CSMD1: variants seen among roughly 807,000 people sequenced by gnomAD.
CSMD1 encodes the protein CUB and Sushi multiple domains 1, also known as CUB and sushi domain-containing protein 1.
In CSMD1, 213 loss-of-function variants were observed where a neutral mutation model predicts 417.5. The observed-to-expected ratio is 0.51, with a 90% CI of 0.46 to 0.57. CSMD1 has a LOEUF of 0.57. CSMD1 is among the 20% of genes least tolerant of loss of function. The pLI is 0.00. For missense variants in CSMD1, 6,923 were observed against 4,529.7 expected (o/e 1.53, Z -15.17); for synonymous variants, 2,862 against 1,736.8 (o/e 1.65, Z -16.11).
intron 3 of CSMD1, among the ~76,000 whole-genome samples, chr8:4,311,667 G>T (rs1044972296): frequency 6.7e-6 from 1 of 150,088 alleles, no homozygotes; most frequent in Non-Finnish European, 1.5e-5. Flanking sequence ...AGGCTGCAGT[G>T]AGCCGAGATT....
intron 3 of CSMD1, among the ~76,000 whole-genome samples, chr8:4,120,123 G>T (rs377113884): frequency 6.6e-6 from 1 of 152,022 alleles, no homozygotes; most frequent in South Asian, 2.1e-4. Context: ...TCCATGATGT[G>T]AATACTACAC....
intron 3 of CSMD1, among the ~76,000 whole-genome samples, chr8:4,125,119 T>C (rs1346615750): frequency 1.5e-4 from 1 of 6,618 alleles, no homozygotes; most frequent in South Asian, 0.045. Context: ...AACACTTCCA[T>C]CGAGAAAAAA....
chr8:3,011,285 A>G (rs1808364362), intron 52 of CSMD1, among the ~76,000 whole-genome samples: 1 of 152,182 alleles, frequency 6.6e-6, no homozygotes, highest in South Asian at 2.1e-4. Context: ...CCTGACTAAC[A>G]TACAGAACAT....
intron 2 of CSMD1, among the ~76,000 whole-genome samples, chr8:4,567,540 C>A (rs1798671603): frequency 6.6e-6 from 1 of 152,052 alleles, no homozygotes; most frequent in South Asian, 2.1e-4. Context: ...GAAAACAGAC[C>A]TTTATTTCTT....
chr8:4,964,785 T>C (rs1809745893), intron 1 of CSMD1, among the ~76,000 whole-genome samples: 1 of 152,104 alleles, frequency 6.6e-6, no homozygotes, highest in Non-Finnish European at 1.5e-5. Context: ...GTGAATGAAA[T>C]TGTTCTTTTT....
At chr8:4,591,559 T>C (rs1009686571) in intron 2 of CSMD1, among the ~76,000 whole-genome samples, 1 of 152,170 alleles carries the variant, frequency 6.6e-6, no homozygotes, top group Non-Finnish European at 1.5e-5. Flanking sequence ...AGGACTGTAG[T>C]GCAGGCTTCT....
intron 1 of CSMD1, among the ~76,000 whole-genome samples, chr8:4,953,153 G>A (rs1419437406): frequency 2.6e-5 from 4 of 152,116 alleles, no homozygotes; most frequent in Non-Finnish European, 4.4e-5. Flanking sequence ...TAATTCTCAA[G>A]GTAGAAGATA....
chr8:3,435,706 C>A (rs1814515513), intron 12 of CSMD1, among the ~76,000 whole-genome samples: 1 of 152,058 alleles, frequency 6.6e-6, no homozygotes, highest in African/African-American at 2.4e-5. Context: ...CCCAGACCTC[C>A]TTCCCATCCC....
intron 25 of CSMD1, among the ~76,000 whole-genome samples, chr8:3,300,823 G>C (rs775166384): frequency 4.0e-5 from 6 of 151,874 alleles, no homozygotes; most frequent in Admixed American, 6.6e-5. Context: ...GCTGGGTGTG[G>C]TGGCACATGC....
chr8:4,347,333 G>C (rs535841437), intron 3 of CSMD1, among the ~76,000 whole-genome samples: 3 of 152,080 alleles, frequency 2.0e-5, no homozygotes. Flanking sequence ...TATAGCATAG[G>C]ACAAAACTAC....
rs374645226 is a variant in CSMD1, at chr8:4,757,657, T to A, written c.86-120099A>T. ...CTTTTATGAATAACACATCATAATT[T>A]TGTGTAAAAAGCGACATTATGCTGG... On this transcript the variant is annotated intron_variant, in intron 1 of 69. Coordinates refer to ENST00000635120, the MANE Select transcript of CSMD1 (RefSeq NM_033225.6). Among the ~76,000 whole-genome samples the A allele has an allele frequency of 3.3e-5, 5 of 152,210 alleles. No individual in the cohort carries two copies. In the East Asian group the frequency reaches 7.7e-4, roughly 24 times the overall value.
chr8:3,860,413 CTA>C (rs959156957), intron 5 of CSMD1, among the ~76,000 whole-genome samples: 28 of 151,872 alleles, frequency 1.8e-4, no homozygotes, highest in Non-Finnish European at 3.4e-4. Flanking sequence ...CTCAATGTTT[CTA>C]TGTTACTAAA....
At chr8:3,900,063 A>C (rs1364682496) in intron 5 of CSMD1, among the ~76,000 whole-genome samples, 1 of 151,940 alleles carries the variant, frequency 6.6e-6, no homozygotes, top group Non-Finnish European at 1.5e-5. Flanking sequence ...TAGCTGGGTA[A>C]CACTAGCTGG....
At chr8:4,840,912 C>G (rs569353092) in intron 1 of CSMD1, among the ~76,000 whole-genome samples, 3 of 152,336 alleles carry the variant, frequency 2.0e-5, no homozygotes, top group Admixed American at 6.5e-5. Flanking sequence ...AACACCACTA[C>G]TGTAAAGTGA....
chr8:3,818,782 A>C (rs1801544437), intron 5 of CSMD1, among the ~76,000 whole-genome samples: 1 of 152,046 alleles, frequency 6.6e-6, no homozygotes, highest in African/African-American at 2.4e-5. Context: ...ATAACCCCAA[A>C]ACACCCGACC....
At chr8:4,808,840 A>G (rs1416011020) in intron 1 of CSMD1, among the ~76,000 whole-genome samples, 1 of 152,224 alleles carries the variant, frequency 6.6e-6, no homozygotes, top group Non-Finnish European at 1.5e-5. Flanking sequence ...CATGATTTAA[A>G]AGTTATCTCT....
intron 5 of CSMD1, among the ~76,000 whole-genome samples, chr8:3,992,335 A>G (rs1330053224): frequency 6.6e-6 from 1 of 152,152 alleles, no homozygotes; most frequent in East Asian, 1.9e-4. Flanking sequence ...CTGGGGTGAC[A>G]GTTTTGTAAT....
intron 23 of CSMD1, among the ~76,000 whole-genome samples, chr8:3,334,845 C>G (rs918927882): frequency 6.6e-6 from 1 of 152,224 alleles, no homozygotes; most frequent in Non-Finnish European, 1.5e-5. Context: ...TGCAGATCCA[C>G]ACTGCAGGTG....
intron 3 of CSMD1, among the ~76,000 whole-genome samples, chr8:4,184,992 A>G (rs1798580561): frequency 6.6e-6 from 1 of 151,922 alleles, no homozygotes; most frequent in African/African-American, 2.4e-5. Context: ...TACAAAAATT[A>G]GCTGGGCCTG....
Sources: allele counts gnomAD v4.1 joint callset (sites outside exome capture counted in the v4.1 genomes callset), GRCh38; gene constraint gnomAD v4.1.1; transcripts MANE v1.5; gene names NCBI Gene and HGNC (gene_info 2026-07-23, HGNC 2026-07-21).